The following PPM1E variants were observed in gnomAD, a reference collection of about 807,000 sequenced individuals.
PPM1E encodes the protein protein phosphatase, Mg2+/Mn2+ dependent 1E.
In PPM1E, 20 loss-of-function variants were observed where a neutral mutation model predicts 65.9. That is an observed-to-expected ratio of 0.30 (90% CI 0.21 to 0.44). PPM1E has a LOEUF of 0.44. Among genes scored for constraint, PPM1E ranks in the 20% least tolerant of loss-of-function variants. The pLI, the probability that PPM1E is intolerant of heterozygous loss-of-function variation, is 1.00. For missense variants in PPM1E, 713 were observed against 953.1 expected, an observed-to-expected ratio of 0.75 and a Z score of 3.32; for synonymous variants, 352 against 374.9, an observed-to-expected ratio of 0.94 and a Z score of 0.70.
chr17:58,811,360 C>A (rs1435230128), intron 1 of PPM1E, among the ~76,000 whole-genome samples: 2 of 152,036 alleles, frequency 1.3e-5, no homozygotes, highest in East Asian at 3.9e-4. Context: ...ACTAATATAT[C>A]TGTAATACCA....
Position 58,981,247 on chromosome 17 carries a change from T to C in PPM1E, c.*216T>C, listed in dbSNP as rs1474196093. ...TTCACTTGCAAAATTACACAGCTGG[T>C]CCCTGTGATGTGTCTCGACACCAAT... On this transcript the variant is annotated 3_prime_UTR_variant, in exon 7 of 7. Coordinates refer to ENST00000308249, the MANE Select transcript of PPM1E (RefSeq NM_014906.5). The C allele has an allele frequency of 5.9e-6, 3 of 508,022 alleles. No individual in the cohort carries two copies. The highest frequency in any genetic ancestry group is 6.9e-6 in the Non-Finnish European group (2 of 289,432). The allele number at this position is 508,022 out of a possible 1,614,324, so 31.5% of individuals were successfully genotyped here.
At chr17:58,894,669 T>C (rs1013436976) in intron 1 of PPM1E, among the ~76,000 whole-genome samples, 1 of 151,956 alleles carries the variant, frequency 6.6e-6, no homozygotes, top group Non-Finnish European at 1.5e-5. Flanking sequence ...ATTTTCCATA[T>C]ACACACACAC....
intron 1 of PPM1E, among the ~76,000 whole-genome samples, chr17:58,853,049 TTGTC>T (rs978137157): frequency 6.6e-6 from 1 of 152,222 alleles, no homozygotes; most frequent in African/African-American, 2.4e-5. Flanking sequence ...ATTCTGTGGG[TTGTC>T]TTTCTACTCT....
At chr17:58,879,558 G>A (rs1316114004) in intron 1 of PPM1E, among the ~76,000 whole-genome samples, 3 of 132,370 alleles carry the variant, frequency 2.3e-5, no homozygotes, top group African/African-American at 8.7e-5. Context: ...CGCCCAGGCT[G>A]GAGTGCGGTG....
chr17:58,841,908 C>T (rs1463829673), intron 1 of PPM1E, among the ~76,000 whole-genome samples: 1 of 152,112 alleles, frequency 6.6e-6, no homozygotes, highest in Non-Finnish European at 1.5e-5. Flanking sequence ...GGGATTTCAC[C>T]ATATTGCCCA....
At chr17:58,888,446 C>T (rs1431858136) in intron 1 of PPM1E, among the ~76,000 whole-genome samples, 1 of 144,988 alleles carries the variant, frequency 6.9e-6, no homozygotes, top group African/African-American at 2.6e-5. Flanking sequence ...CTCACTGCAA[C>T]CTCCACCTCC....
chr17:58,765,086 TTTG>T (rs1302607719), intron 1 of PPM1E, among the ~76,000 whole-genome samples: 3 of 152,122 alleles, frequency 2.0e-5, no homozygotes, highest in Non-Finnish European at 2.9e-5. Context: ...TTTATTTTGC[TTTG>T]TTAACATTTT....
At chr17:58,950,834 A>G (rs1668803251) in intron 1 of PPM1E, among the ~76,000 whole-genome samples, 1 of 140,686 alleles carries the variant, frequency 7.1e-6, no homozygotes, top group Non-Finnish European at 1.5e-5. Flanking sequence ...GCTGGAGTGC[A>G]GCGGCGTGAT....
chr17:58,877,425 C>T (rs1362345586), intron 1 of PPM1E, among the ~76,000 whole-genome samples: 3 of 152,182 alleles, frequency 2.0e-5, no homozygotes, highest in African/African-American at 7.2e-5. Context: ...GAGACAAATA[C>T]ATCTTTACAA....
At chr17:58,910,180 T>G (rs2051610573) in intron 1 of PPM1E, among the ~76,000 whole-genome samples, 1 of 152,042 alleles carries the variant, frequency 6.6e-6, no homozygotes, top group Non-Finnish European at 1.5e-5. Context: ...TTGAGTATTC[T>G]GTTCTGTTTT....
intron 1 of PPM1E, among the ~76,000 whole-genome samples, chr17:58,913,952 T>A (rs182031382): frequency 7.9e-5 from 12 of 152,332 alleles, no homozygotes; most frequent in African/African-American, 2.9e-4. Flanking sequence ...AAGGCAGTTT[T>A]GTTTCCTGAG....
intron 1 of PPM1E, among the ~76,000 whole-genome samples, chr17:58,762,897 CAAA>C (rs35912480): frequency 9.7e-5 from 9 of 93,188 alleles, no homozygotes; most frequent in Non-Finnish European, 1.3e-4. Context: ...GACTCCGTCT[CAAA>C]AAAAAAAAAA....
At chr17:58,839,835 G>C (rs1369760398) in intron 1 of PPM1E, among the ~76,000 whole-genome samples, 1 of 152,162 alleles carries the variant, frequency 6.6e-6, no homozygotes, top group Non-Finnish European at 1.5e-5. Flanking sequence ...CTCATATATA[G>C]TTAGATAGTT....
intron 1 of PPM1E, among the ~76,000 whole-genome samples, chr17:58,830,904 C>CA (rs1474972513): frequency 6.6e-6 from 1 of 151,828 alleles, no homozygotes; most frequent in African/African-American, 2.4e-5. Flanking sequence ...AGGCTGGTCT[C>CA]AAACTCTTAT....
intron 1 of PPM1E, among the ~76,000 whole-genome samples, chr17:58,950,876 T>A (rs2052227629): frequency 6.6e-6 from 1 of 151,742 alleles, no homozygotes; most frequent in African/African-American, 2.4e-5. Context: ...CCTCCTGGGT[T>A]CACGCCATTC....
In PPM1E at chr17:58,980,987, G is replaced by T; in HGVS notation, c.2224G>T (p.Asp742Tyr). 1 of 1,613,616 alleles carries T rather than the reference G, an allele frequency of 6.2e-7. No homozygotes were observed. The highest frequency in any genetic ancestry group is 1.3e-5 in the African/African-American group (1 of 75,014). The change falls in exon 7 of 7, where the codon GAT becomes TAT. Residue 742 changes from aspartate (D) to tyrosine (Y), a missense_variant. By Grantham distance (160) the Asp-to-Tyr change is radical. This residue lies in a region of PPM1E where 286 missense variants were observed against 313.8 expected (regional missense o/e 0.91). Transcript: ENST00000308249. This position sits in a 1 kb window ranked among gnomAD's most constrained non-coding sequence, Gnocchi z 4.7. ...ENMRKLRKTH[D>Y]IPCPDLPWSY... The stretch of plus-strand genomic sequence containing the variant: ...CATGAGGAAGCTCAGAAAGACTCAT[G>T]ATATTCCATGCCCAGATCTTCCTTG...
chr17:58,967,592 TTTG>T (rs920947315), intron 3 of PPM1E, among the ~76,000 whole-genome samples: 4 of 151,740 alleles, frequency 2.6e-5, no homozygotes, highest in South Asian at 2.1e-4. Context: ...TGATATTTCC[TTTG>T]TTATTAGTCT....
At chr17:58,862,120 G>A (rs2050949031) in intron 1 of PPM1E, among the ~76,000 whole-genome samples, 1 of 152,090 alleles carries the variant, frequency 6.6e-6, no homozygotes, top group African/African-American at 2.4e-5. Flanking sequence ...TAATACAATA[G>A]ATTCACAGTT....
At chr17:58,930,274 C>T (rs994024831) in intron 1 of PPM1E, among the ~76,000 whole-genome samples, 11 of 151,600 alleles carry the variant, frequency 7.3e-5, no homozygotes, top group African/African-American at 2.7e-4. Flanking sequence ...CACACACACA[C>T]ACACACACAC....
Sources: gnomAD v4.1 joint callset for allele counts (sites outside exome capture counted in the v4.1 genomes callset) on GRCh38, gnomAD v4.1.1 for gene constraint, gnomAD v4.1.1 regional missense constraint, Gnocchi (gnomAD v3.1) non-coding constraint, MANE v1.5 for transcripts, NCBI Gene and HGNC (gene_info 2026-07-23, HGNC 2026-07-21) for gene names.